CADPS: variants seen among roughly 807,000 people sequenced by gnomAD.
CADPS encodes calcium dependent secretion activator.
CADPS carries 57 observed loss-of-function variants against 167.3 expected under a neutral mutation model. That is an observed-to-expected ratio of 0.34 (90% confidence interval 0.28 to 0.42). CADPS has a LOEUF of 0.42. CADPS is among the 20% of genes least tolerant of loss of function. The pLI is 1.00. For synonymous variants in CADPS, 676 were observed against 635.3 expected (o/e 1.06, Z -0.96); for missense variants, 1,414 against 1,738.1 (o/e 0.81, Z 3.32).
intron 10 of CADPS, among the ~76,000 whole-genome samples, chr3:62,555,704 T>C (rs2078025389): frequency 6.6e-6 from 1 of 152,196 alleles, no homozygotes; most frequent in South Asian, 2.1e-4. Context: ...ATATTGGCCC[T>C]TTAGCGTCCC....
intron 1 of CADPS, among the ~76,000 whole-genome samples, chr3:62,830,072 C>T (rs2074798678): frequency 1.3e-5 from 2 of 152,138 alleles, no homozygotes; most frequent in African/African-American, 4.8e-5. Context: ...ACTGCCCATG[C>T]CATCCTGTGC....
intron 3 of CADPS, among the ~76,000 whole-genome samples, chr3:62,666,311 GAGA>G (rs2074392268): frequency 6.6e-6 from 1 of 152,172 alleles, no homozygotes; most frequent in South Asian, 2.1e-4. Context: ...TGGCATGATA[GAGA>G]AGGCCATCCT....
At chr3:62,780,004 A>G (rs150222418) in intron 1 of CADPS, among the ~76,000 whole-genome samples, 25 of 152,276 alleles carry the variant, frequency 1.6e-4, no homozygotes, top group Admixed American at 4.6e-4. Context: ...TCATCATTGA[A>G]CTGAGGGCTA....
chr3:62,400,409 C>G (rs2148995191), intron 29 of CADPS, among the ~76,000 whole-genome samples: 1 of 152,104 alleles, frequency 6.6e-6, no homozygotes, highest in South Asian at 2.1e-4. Flanking sequence ...TGGCTGTTGT[C>G]TACTTTGTAA....
Position 62,817,865 on chromosome 3 carries a change from C to G in CADPS, c.442-51881G>C, listed in dbSNP as rs74505368. Among the ~76,000 whole-genome samples, 1,149 of 152,212 alleles carry G rather than the reference C, an allele frequency of 7.5e-3. 16 individuals are homozygous for G. The highest frequency in any genetic ancestry group is 0.026 in the African/African-American group (1,063 of 41,536). On this transcript the variant is annotated intron_variant, in intron 1 of 29. Transcript: ENST00000383710. ...AGAAAAGAATGCAGATTGCATGTGG[C>G]CTTCCAAGTTCAAATGTCTATATTA...
At chr3:62,525,738 G>C (rs1217077268) in intron 13 of CADPS, among the ~76,000 whole-genome samples, 1 of 146,732 alleles carries the variant, frequency 6.8e-6, no homozygotes, top group Non-Finnish European at 1.5e-5. Flanking sequence ...TGTATGCACG[G>C]GTATGAGAAA....
At chr3:62,608,006 C>T (rs182842043) in intron 6 of CADPS, among the ~76,000 whole-genome samples, 468 of 152,260 alleles carry the variant, frequency 3.1e-3, no homozygotes, top group Non-Finnish European at 4.6e-3. Context: ...TAGGCTCAAC[C>T]TGGAGCCAGA....
intron 28 of CADPS, among the ~76,000 whole-genome samples, chr3:62,432,436 A>G (rs2054177827): frequency 6.6e-6 from 1 of 152,162 alleles, no homozygotes; most frequent in Non-Finnish European, 1.5e-5. Flanking sequence ...AAGATGTTTT[A>G]CCAAAAGTAA....
At chr3:62,418,234 T>C (rs2050541116) in intron 28 of CADPS, among the ~76,000 whole-genome samples, 1 of 151,928 alleles carries the variant, frequency 6.6e-6, no homozygotes, top group Non-Finnish European at 1.5e-5. Flanking sequence ...AATTGGCTTT[T>C]AATTTTTATT....
chr3:62,408,551 A>C (rs187810517), intron 28 of CADPS, among the ~76,000 whole-genome samples: 5 of 152,292 alleles, frequency 3.3e-5, no homozygotes, highest in Admixed American at 3.3e-4. Context: ...TTCACAGAAA[A>C]TGGGCTTTCA....
rs142974761 is a variant in CADPS, at chr3:62,727,497, T to G, written c.888+25944A>C. Among the ~76,000 whole-genome samples the G allele has an allele frequency of 4.1e-4, 62 of 152,052 alleles. 4 individuals carry two copies. The highest frequency in any genetic ancestry group is 1.5e-3 in the African/African-American group (60 of 41,312). ...TTCTCTGATTTTGCAGTTGTCTCCATAGCAATAGTCACAGACTCTAAAATG... is the reference window on the plus strand; with the variant it reads ...TTCTCTGATTTTGCAGTTGTCTCCAGAGCAATAGTCACAGACTCTAAAATG... On this transcript the variant is annotated intron_variant, in intron 3 of 29. Transcript: ENST00000383710.
At chr3:62,792,603 T>C (rs1013592223) in intron 1 of CADPS, among the ~76,000 whole-genome samples, 1 of 152,090 alleles carries the variant, frequency 6.6e-6, no homozygotes, top group Admixed American at 6.6e-5. Flanking sequence ...AAACTTATTT[T>C]TTATTTTTTA....
Position 62,874,704 on chromosome 3 carries a change from T to G in CADPS, c.326A>C (p.Gln109Pro). The part of the protein sequence containing the change: ...EKEKEELERL[Q>P]KEEEERKKRL... Reference sequence around the variant, plus strand: ...CTTCTTCCTCTCCTCCTCCTCTTTCTGCAGCCGCTCCAACTCTTCCTTCTC... The same window carrying G: ...CTTCTTCCTCTCCTCCTCCTCTTTCGGCAGCCGCTCCAACTCTTCCTTCTC... Residue 109 changes from glutamine (Q) to proline (P), a missense_variant, in exon 1 of 30, where the codon CAG (glutamine) becomes CCG (proline). Physicochemically the swap from Gln to Pro is moderately conservative, Grantham distance 76. Coordinates refer to ENST00000383710, the MANE Select transcript of CADPS (RefSeq NM_003716.4). This position sits in a 1 kb window ranked among gnomAD's most constrained non-coding sequence, Gnocchi z 7.1. 6.5e-7 allele frequency: 1 copy of G among 1,549,892 alleles called. No homozygotes were observed.
intron 6 of CADPS, among the ~76,000 whole-genome samples, chr3:62,627,143 TGTGTGTGTGTG>T (rs2064243069): frequency 8.5e-6 from 1 of 117,390 alleles, no homozygotes; most frequent in Non-Finnish European, 2.0e-5. Context: ...TGTGTGTGTG[TGTGTGTGTGTG>T]TGTGTGTATC....
Position 62,465,538 on chromosome 3 carries a change from T to A in CADPS, c.3553-88A>T, listed in dbSNP as rs1162627530. 6 of 873,364 alleles carry A rather than the reference T, an allele frequency of 6.9e-6. No homozygotes were observed. Among genetic ancestry groups the A allele is most frequent in the Admixed American group, 2.4e-5 (1 of 42,160 alleles). The allele number at this position is 873,364 out of a possible 1,614,324, so 54.1% of individuals were successfully genotyped here. ...CATCATTTCCCCACCACATAAAGGCTGGGATCGAGCCCTCCGTTCATTTCT... is the reference window on the plus strand; with the variant it reads ...CATCATTTCCCCACCACATAAAGGCAGGGATCGAGCCCTCCGTTCATTTCT... On this transcript the variant is annotated intron_variant, in intron 25 of 29. Coordinates refer to ENST00000383710, the MANE Select transcript of CADPS (RefSeq NM_003716.4). This position sits in a 1 kb window ranked among gnomAD's most constrained non-coding sequence, Gnocchi z 4.1.
intron 8 of CADPS, 59 bp downstream of exon 8, chr3:62,585,126 C>T: frequency 6.6e-7 from 1 of 1,524,066 alleles, no homozygotes; most frequent in Non-Finnish European, 9.0e-7. Context: ...TTTTTGTTTT[C>T]ATTTTGAGAA....
intron 1 of CADPS, among the ~76,000 whole-genome samples, chr3:62,868,337 A>T (rs1001860255): frequency 6.6e-6 from 1 of 152,072 alleles, no homozygotes; most frequent in African/African-American, 2.4e-5. Flanking sequence ...CCTACCATCC[A>T]GATTTATATG....
chr3:62,752,115 T>C (rs1158287170), intron 3 of CADPS, among the ~76,000 whole-genome samples: 2 of 152,214 alleles, frequency 1.3e-5, no homozygotes, highest in Admixed American at 6.5e-5. Context: ...TTTTTCAATA[T>C]TGAAGCTATG....
At chr3:62,575,821 C>CT (rs2082156312) in intron 8 of CADPS, among the ~76,000 whole-genome samples, 1 of 152,180 alleles carries the variant, frequency 6.6e-6, no homozygotes, top group Admixed American at 6.5e-5. Context: ...AATGGGAAAG[C>CT]TGGTGGGATC....
Sources: allele counts gnomAD v4.1 joint callset (sites outside exome capture counted in the v4.1 genomes callset), GRCh38; gene constraint gnomAD v4.1.1; non-coding constraint Gnocchi (gnomAD v3.1); transcripts MANE v1.5; gene names NCBI Gene and HGNC (gene_info 2026-07-23, HGNC 2026-07-21).